FAM193A: variants seen among roughly 807,000 people sequenced by gnomAD.
FAM193A encodes family with sequence similarity 193 member A, also known as protein FAM193A.
FAM193A carries 22 observed loss-of-function variants against 126.5 expected under a neutral mutation model. The ratio of observed to expected loss-of-function variants is 0.17; its 90% CI spans 0.12 to 0.25. The LOEUF is 0.25. Among genes scored for constraint, FAM193A ranks in the 10% least tolerant of loss-of-function variants. FAM193A has a pLI of 1.00. For synonymous variants in FAM193A, 761 were observed against 646.8 expected (o/e 1.18, Z -2.68); for missense variants, 1,675 against 1,672.8 (o/e 1.00, Z -0.02).
chr4:2,631,213 A>T (rs749606840), intron 5 of FAM193A, 44 bp downstream of exon 5: 2 of 1,550,676 alleles, frequency 1.3e-6, no homozygotes, highest in Non-Finnish European at 1.8e-6. Flanking sequence ...GATGAGCTGA[A>T]GAGAAGCATG....
In FAM193A at chr4:2,685,336, G is replaced by A. The variant is rs576271828; in HGVS notation, c.2332-4170G>A. ...AGACTTAAGTAAAACCACTGGAAACGCATTTAATACAGTTAAAATATGATT... is the reference window on the plus strand; with the variant it reads ...AGACTTAAGTAAAACCACTGGAAACACATTTAATACAGTTAAAATATGATT... On this transcript the variant is annotated intron_variant, in intron 13 of 20. Transcript: ENST00000637812. Among the ~76,000 whole-genome samples the A allele has an allele frequency of 1.2e-4, 19 of 152,308 alleles. No individual in the cohort carries two copies. The South Asian group carries it at 3.3e-3, about 27-fold the overall frequency.
chr4:2,686,593 C>T (rs1005601629), intron 13 of FAM193A, among the ~76,000 whole-genome samples: 1 of 152,228 alleles, frequency 6.6e-6, no homozygotes, highest in Non-Finnish European at 1.5e-5. Flanking sequence ...GGTTTTGAAG[C>T]ATAAGCAAGA....
intron 5 of FAM193A, among the ~76,000 whole-genome samples, chr4:2,638,787 G>A (rs1449598457): frequency 1.3e-5 from 2 of 152,192 alleles, no homozygotes; most frequent in African/African-American, 4.8e-5. Flanking sequence ...TGACATAACA[G>A]TGAAATCTTT....
At chr4:2,696,668 A>G (rs1006546406) in intron 18 of FAM193A, 75 bp downstream of exon 18, 1 of 1,186,722 alleles carries the variant, frequency 8.4e-7, no homozygotes, top group Non-Finnish European at 1.2e-6. Context: ...GCCAGTCTCT[A>G]GGCAGGGCTG....
chr4:2,591,782 T>C (rs909878476), intron 1 of FAM193A, among the ~76,000 whole-genome samples: 4 of 152,196 alleles, frequency 2.6e-5, no homozygotes, highest in African/African-American at 9.7e-5. Context: ...TTAATGTCTT[T>C]TATGATACAC....
Position 2,631,188 on chromosome 4 carries a change from TTTTC to T in FAM193A, c.1038+25_1038+28del. 6.3e-7 allele frequency: 1 copy of T among 1,586,108 alleles called. No homozygotes were observed. The highest frequency in any genetic ancestry group is 8.6e-7 in the Non-Finnish European group (1 of 1,163,356). ...CACTCTGGTAAGAGAGAAAACGTGT[TTTTC>T]TTTCTGTTTGGATGAGCTGAAGAGA... On this transcript the variant is annotated intron_variant, in intron 5 of 20. Transcript: ENST00000637812.
intron 1 of FAM193A, among the ~76,000 whole-genome samples, chr4:2,595,217 AG>A (rs1374836389): frequency 6.6e-6 from 1 of 151,856 alleles, no homozygotes; most frequent in Non-Finnish European, 1.5e-5. Flanking sequence ...CCTGGCTAAT[AG>A]TTGGATTTTT....
At chr4:2,576,188 C>G (rs1026291551) in intron 1 of FAM193A, among the ~76,000 whole-genome samples, 9 of 152,154 alleles carry the variant, frequency 5.9e-5, no homozygotes, top group Non-Finnish European at 1.3e-4. Flanking sequence ...CCTCCACCTC[C>G]CAGGTTCAAG....
chr4:2,727,226 T>A (rs2109428931), intron 20 of FAM193A, among the ~76,000 whole-genome samples: 2 of 151,762 alleles, frequency 1.3e-5, no homozygotes, highest in East Asian at 3.9e-4. Context: ...GTCACTGCAC[T>A]CCAGCCTGGC....
At chr4:2,639,941 C>A in intron 6 of FAM193A, 82 bp downstream of exon 6, 1 of 1,342,144 alleles carries the variant, frequency 7.5e-7, no homozygotes, top group Non-Finnish European at 1.0e-6. Context: ...TACCCGAGTA[C>A]CACTGAGTAT....
intron 1 of FAM193A, among the ~76,000 whole-genome samples, chr4:2,556,210 C>A (rs994341649): frequency 1.4e-5 from 2 of 146,020 alleles, no homozygotes; most frequent in South Asian, 2.2e-4. Flanking sequence ...AGATACTGTC[C>A]TTTTTTTGTT....
intron 1 of FAM193A, among the ~76,000 whole-genome samples, chr4:2,585,584 CT>C (rs376283804): frequency 4.6e-5 from 7 of 151,964 alleles, no homozygotes; most frequent in African/African-American, 9.7e-5. Flanking sequence ...TCATTTTTCA[CT>C]TTTTTTTGTC....
At chr4:2,565,364 A>G (rs530250458) in intron 1 of FAM193A, among the ~76,000 whole-genome samples, 2 of 147,344 alleles carry the variant, frequency 1.4e-5, no homozygotes, top group Admixed American at 7.1e-5. Flanking sequence ...GGTTCAAGCA[A>G]TTCTCCTGCT....
intron 4 of FAM193A, among the ~76,000 whole-genome samples, chr4:2,627,221 C>T (rs903759035): frequency 7.1e-6 from 1 of 141,116 alleles, no homozygotes; most frequent in African/African-American, 2.6e-5. Context: ...AGTCCAATGG[C>T]GTGATCTTGG....
intron 1 of FAM193A, among the ~76,000 whole-genome samples, chr4:2,550,771 TTTTATTTA>T (rs71178475): frequency 0.059 from 8,244 of 140,066 alleles, 455 homozygotes; most frequent in African/African-American, 0.14. Context: ...CAATTTATAT[TTTTATTTA>T]TTTATTTATT....
intron 2 of FAM193A, among the ~76,000 whole-genome samples, chr4:2,618,506 C>T (rs1742340768): frequency 6.6e-6 from 1 of 151,428 alleles, no homozygotes; most frequent in Admixed American, 6.6e-5. Context: ...CGGCTCACTA[C>T]AACCTCTGCC....
At chr4:2,579,452 C>T (rs1161967910) in intron 1 of FAM193A, among the ~76,000 whole-genome samples, 2 of 152,110 alleles carry the variant, frequency 1.3e-5, no homozygotes, top group African/African-American at 4.8e-5. Flanking sequence ...AATCCCAGCA[C>T]TTTGGGAGGC....
intron 12 of FAM193A, among the ~76,000 whole-genome samples, chr4:2,668,853 C>CTTTTTCTTTTCCT (rs1378414860): frequency 1.4e-5 from 2 of 143,374 alleles, no homozygotes; most frequent in Non-Finnish European, 3.1e-5. Flanking sequence ...TTTTCTTTTC[C>CTTTTTCTTTTCCT]TTTTTTTGAG....
chr4:2,668,344 G>A (rs1713379110), intron 12 of FAM193A, among the ~76,000 whole-genome samples: 1 of 151,694 alleles, frequency 6.6e-6, no homozygotes, highest in Non-Finnish European at 1.5e-5. Context: ...CTCCCAAGTA[G>A]CTGGGATTAC....
Sources: allele counts gnomAD v4.1 joint callset (sites outside exome capture counted in the v4.1 genomes callset), GRCh38; gene constraint gnomAD v4.1.1; transcripts MANE v1.5; gene names NCBI Gene and HGNC (gene_info 2026-07-23, HGNC 2026-07-21).